SH3GL3: variants seen among roughly 807,000 people sequenced by gnomAD.
The protein encoded by SH3GL3 is SH3 domain containing GRB2 like 3, endophilin A3.
Under a neutral mutation model 47.7 loss-of-function variants are expected in SH3GL3, and 33 were observed. That is an observed-to-expected ratio of 0.69 (90% CI 0.52 to 0.92). The LOEUF (loss-of-function observed/expected upper bound fraction) is 0.92. Among genes scored for constraint, SH3GL3 ranks in the 40% least tolerant of loss-of-function variants. The probability of loss-of-function intolerance (pLI) is 0.00; values close to 1 mark genes in which losing one functional copy is unlikely to be tolerated. For synonymous variants in SH3GL3, 155 were observed against 148.8 expected, an observed-to-expected ratio of 1.04 and a Z score of -0.30; for missense variants, 363 against 417.8, an observed-to-expected ratio of 0.87 and a Z score of 1.14.
chr15:83,515,609 G>T (rs1382394255), intron 1 of SH3GL3, among the ~76,000 whole-genome samples: 1 of 152,126 alleles, frequency 6.6e-6, no homozygotes. Context: ...CTCCATAAGG[G>T]ACTTTTTTGG....
intron 1 of SH3GL3, among the ~76,000 whole-genome samples, chr15:83,524,679 C>A (rs61404010): frequency 6.6e-6 from 1 of 151,892 alleles, no homozygotes; most frequent in African/African-American, 2.4e-5. Context: ...GCAACACACC[C>A]TTCCCAGCAT....
intron 1 of SH3GL3, among the ~76,000 whole-genome samples, chr15:83,548,876 ATTTCT>A (rs1458253812): frequency 6.6e-6 from 1 of 151,774 alleles, no homozygotes; most frequent in Non-Finnish European, 1.5e-5. Flanking sequence ...GTTTCTTTTC[ATTTCT>A]TTGAACTCTA....
At chr15:83,536,308 C>G (rs1156988800) in intron 1 of SH3GL3, among the ~76,000 whole-genome samples, 1 of 152,130 alleles carries the variant, frequency 6.6e-6, no homozygotes, top group Admixed American at 6.5e-5. Flanking sequence ...TCAGCCAAGA[C>G]TGGGTGGGGC....
At chr15:83,593,791 A>G (rs865870893) in intron 8 of SH3GL3, among the ~76,000 whole-genome samples, 3 of 151,918 alleles carry the variant, frequency 2.0e-5, no homozygotes, top group African/African-American at 4.8e-5. Context: ...ATAATTAAGG[A>G]TGATTTTAGC....
chr15:83,613,653 A>G (rs2060732980), intron 8 of SH3GL3, among the ~76,000 whole-genome samples: 1 of 149,800 alleles, frequency 6.7e-6, no homozygotes, highest in South Asian at 2.1e-4. Flanking sequence ...CTATCTATCT[A>G]TCTATCTATC....
chr15:83,606,983 G>T (rs567027329), intron 8 of SH3GL3, among the ~76,000 whole-genome samples: 12 of 152,326 alleles, frequency 7.9e-5, no homozygotes, highest in Non-Finnish European at 1.0e-4. Context: ...CATTGGTGCG[G>T]TGAACAGGAA....
chr15:83,525,493 T>C (rs2043382973), intron 1 of SH3GL3, among the ~76,000 whole-genome samples: 1 of 152,108 alleles, frequency 6.6e-6, no homozygotes, highest in South Asian at 2.1e-4. Flanking sequence ...CTGTTGATTG[T>C]TTCCTTTGAT....
chr15:83,451,931 TGGTTTTA>T (rs1341043236), intron 1 of SH3GL3, among the ~76,000 whole-genome samples: 9 of 65,574 alleles, frequency 1.4e-4, no homozygotes, highest in African/African-American at 6.0e-4. Context: ...AGGGTTTTTA[TGGTTTTA>T]GGTCTAACGT....
intron 1 of SH3GL3, among the ~76,000 whole-genome samples, chr15:83,472,172 C>T (rs566316026): frequency 4.5e-4 from 69 of 152,360 alleles, no homozygotes; most frequent in African/African-American, 1.6e-3. Context: ...GCGTGAGCCA[C>T]TGTGCCCGGC....
chr15:83,550,220 C>G (rs915485866), intron 1 of SH3GL3, among the ~76,000 whole-genome samples: 3 of 152,076 alleles, frequency 2.0e-5, no homozygotes, highest in African/African-American at 7.2e-5. Flanking sequence ...AAAAAGGAAC[C>G]TTTCAAAAGG....
At chr15:83,456,779 C>T (rs1298883959) in intron 1 of SH3GL3, among the ~76,000 whole-genome samples, 1 of 151,912 alleles carries the variant, frequency 6.6e-6, no homozygotes, top group Non-Finnish European at 1.5e-5. Flanking sequence ...CTGCGTCGCT[C>T]ACGCTGGGAG....
the SH3GL3 span, among the ~76,000 whole-genome samples, chr15:83,628,469 G>A: frequency 2.6e-5 from 4 of 152,206 alleles, no homozygotes; most frequent in Admixed American, 6.5e-5. Context: ...TGGGCTGAGC[G>A]TGGTGGCTCA....
At chr15:83,547,565 T>C (rs1048445492) in intron 1 of SH3GL3, among the ~76,000 whole-genome samples, 1 of 152,202 alleles carries the variant, frequency 6.6e-6, no homozygotes, top group African/African-American at 2.4e-5. Context: ...TTGGTTCTTA[T>C]GAAGGTGATT....
intron 1 of SH3GL3, among the ~76,000 whole-genome samples, chr15:83,465,494 G>A (rs894287564): frequency 1.6e-4 from 25 of 151,954 alleles, no homozygotes; most frequent in African/African-American, 5.8e-4. Context: ...ATGTTTAGCC[G>A]CTTTTTGCTC....
intron 1 of SH3GL3, among the ~76,000 whole-genome samples, chr15:83,525,353 T>TGTGC (rs2043375462): frequency 1.3e-5 from 2 of 148,200 alleles, no homozygotes; most frequent in South Asian, 4.2e-4. Context: ...TCTTTGTGCG[T>TGTGC]GTGTGTGTGT....
intron 1 of SH3GL3, among the ~76,000 whole-genome samples, chr15:83,469,313 A>G (rs1157878165): frequency 1.3e-5 from 2 of 151,744 alleles, no homozygotes; most frequent in Non-Finnish European, 2.9e-5. Context: ...GTTCTTTTCA[A>G]TTTCGTTGAT....
At chr15:83,630,524 G>A in the SH3GL3 span, among the ~76,000 whole-genome samples, 1 of 152,048 alleles carries the variant, frequency 6.6e-6, no homozygotes, top group African/African-American at 2.4e-5. Flanking sequence ...CAGTTCCTGA[G>A]GGCTGGGGAG....
chr15:83,507,217 C>A (rs1596135367), intron 1 of SH3GL3, among the ~76,000 whole-genome samples: 1 of 152,022 alleles, frequency 6.6e-6, no homozygotes, highest in African/African-American at 2.4e-5. Context: ...ACCGTGTTAA[C>A]CAGGATGGTC....
the SH3GL3 span, among the ~76,000 whole-genome samples, chr15:83,626,650 G>A: frequency 6.6e-6 from 1 of 152,188 alleles, no homozygotes; most frequent in East Asian, 1.9e-4. Flanking sequence ...GCATGTTTGT[G>A]CAGAAACTTT....
Sources: allele counts gnomAD v4.1 joint callset (sites outside exome capture counted in the v4.1 genomes callset), GRCh38; gene constraint gnomAD v4.1.1; transcripts MANE v1.5; gene names NCBI Gene and HGNC (gene_info 2026-07-23, HGNC 2026-07-21).